Variants in MAGI2 observed in about 807,000 individuals in gnomAD.
MAGI2 encodes membrane-associated guanylate kinase, WW and PDZ domain-containing protein 2.
Under a neutral mutation model 133.3 loss-of-function variants are expected in MAGI2, and 35 were observed. The observed-to-expected ratio is 0.26, with a 90% CI of 0.20 to 0.35. MAGI2 has a LOEUF of 0.35. Ranked by LOEUF, MAGI2 falls within the 10% of genes least tolerant of loss-of-function variation. The pLI is 1.00. For missense variants in MAGI2, 1,636 were observed against 1,863.4 expected, an observed-to-expected ratio of 0.88 and a Z score of 2.25; for synonymous variants, 729 against 710.6, an observed-to-expected ratio of 1.03 and a Z score of -0.41.
At chr7:79,438,353 C>T (rs979876662) in intron 1 of MAGI2, among the ~76,000 whole-genome samples, 3 of 152,104 alleles carry the variant, frequency 2.0e-5, no homozygotes, top group African/African-American at 7.2e-5. Context: ...TTTGTCAACT[C>T]ACCATCTTTA....
intron 1 of MAGI2, among the ~76,000 whole-genome samples, chr7:79,198,566 G>A (rs540709690): frequency 1.2e-4 from 19 of 152,026 alleles, no homozygotes; most frequent in South Asian, 6.2e-4. Flanking sequence ...AGTCATACTC[G>A]CTTTCTTTGC....
At chr7:78,839,297 G>C (rs918930356) in intron 2 of MAGI2, among the ~76,000 whole-genome samples, 1 of 152,096 alleles carries the variant, frequency 6.6e-6, no homozygotes, top group Non-Finnish European at 1.5e-5. Flanking sequence ...CATGGACTTA[G>C]TGAAAACATG....
chr7:78,957,135 T>A (rs534059975), intron 2 of MAGI2, among the ~76,000 whole-genome samples: 1 of 150,704 alleles, frequency 6.6e-6, no homozygotes, highest in East Asian at 1.9e-4. Context: ...GAGGTGGTGG[T>A]CACCTGTAGT....
At chr7:79,369,147 C>G (rs760494416) in intron 1 of MAGI2, among the ~76,000 whole-genome samples, 4 of 152,092 alleles carry the variant, frequency 2.6e-5, no homozygotes, top group Non-Finnish European at 5.9e-5. Flanking sequence ...TCCTACACTT[C>G]AAATAAAGGG....
chr7:78,730,853 G>T (rs1240323752), intron 2 of MAGI2, among the ~76,000 whole-genome samples: 3 of 151,958 alleles, frequency 2.0e-5, no homozygotes, highest in Admixed American at 1.3e-4. Context: ...CTTTCTCTTT[G>T]GCTTTCTCCC....
intron 2 of MAGI2, among the ~76,000 whole-genome samples, chr7:78,737,745 T>A (rs1822007680): frequency 1.3e-5 from 2 of 152,112 alleles, no homozygotes; most frequent in Non-Finnish European, 2.9e-5. Flanking sequence ...AAAATTGTTT[T>A]TTTATGGCTT....
chr7:78,669,286 C>T lies in MAGI2; in HGVS notation c.419-42047G>A, dbSNP rs564417507. ...TACAAACTACCATCAGAGAATACTA[C>T]AAACACCTCTATGCAAATAAACTAG... On this transcript the variant is annotated intron_variant, in intron 2 of 21. Coordinates refer to ENST00000354212, the MANE Select transcript of MAGI2 (RefSeq NM_012301.4). Among the ~76,000 whole-genome samples the T allele has an allele frequency of 3.4e-3, 519 of 151,978 alleles. 3 individuals carry two copies. The highest frequency in any genetic ancestry group is 5.4e-3 in the Non-Finnish European group (370 of 67,940).
At chr7:78,760,280 A>G (rs1055798508) in intron 2 of MAGI2, among the ~76,000 whole-genome samples, 1 of 151,948 alleles carries the variant, frequency 6.6e-6, no homozygotes, top group Non-Finnish European at 1.5e-5. Flanking sequence ...CAGTTCCTGT[A>G]TTAAAATTTC....
chr7:79,362,843 A>G (rs1293814988), intron 1 of MAGI2, among the ~76,000 whole-genome samples: 2 of 152,024 alleles, frequency 1.3e-5, no homozygotes, highest in African/African-American at 2.4e-5. Context: ...ACTAGCATAC[A>G]TACTTAGTGA....
chr7:78,503,654 C>T (rs1039138062), intron 4 of MAGI2, among the ~76,000 whole-genome samples: 3 of 132,480 alleles, frequency 2.3e-5, no homozygotes, highest in African/African-American at 2.8e-5. Flanking sequence ...CTTCTTCCCT[C>T]CTCCTTCATT....
intron 2 of MAGI2, among the ~76,000 whole-genome samples, chr7:78,983,054 A>G (rs1243950821): frequency 1.3e-5 from 2 of 151,984 alleles, no homozygotes; most frequent in Non-Finnish European, 2.9e-5. Context: ...ATATCACAAT[A>G]ATTTTTAGAA....
intron 6 of MAGI2, among the ~76,000 whole-genome samples, chr7:78,407,923 C>T (rs951032946): frequency 7.3e-5 from 11 of 151,706 alleles, no homozygotes; most frequent in Non-Finnish European, 1.3e-4. Context: ...AGACAGACCC[C>T]TCCTCGGAAC....
At chr7:78,702,097 A>G (rs115897262) in intron 2 of MAGI2, among the ~76,000 whole-genome samples, 1 of 152,164 alleles carries the variant, frequency 6.6e-6, no homozygotes, top group African/African-American at 2.4e-5. Flanking sequence ...AATTATGTCT[A>G]GAGTTCTCTA....
chr7:79,066,271 T>C (rs1361779034), intron 1 of MAGI2, among the ~76,000 whole-genome samples: 2 of 151,116 alleles, frequency 1.3e-5, no homozygotes, highest in Non-Finnish European at 2.9e-5. Flanking sequence ...TGTGAGATGA[T>C]ATCTCAGTGT....
chr7:79,078,141 C>T (rs560700438), intron 1 of MAGI2, among the ~76,000 whole-genome samples: 1 of 152,236 alleles, frequency 6.6e-6, no homozygotes, highest in South Asian at 2.1e-4. Flanking sequence ...TTTACTTGCC[C>T]AAATAGACAG....
chr7:78,379,074 A>C (rs1013768289), intron 6 of MAGI2, among the ~76,000 whole-genome samples: 4 of 152,034 alleles, frequency 2.6e-5, no homozygotes, highest in African/African-American at 9.6e-5. Context: ...AGGGACTTAT[A>C]GAAGTTATCA....
intron 1 of MAGI2, among the ~76,000 whole-genome samples, chr7:79,282,226 C>T (rs1363205029): frequency 3.9e-5 from 6 of 152,140 alleles, no homozygotes; most frequent in Admixed American, 3.9e-4. Context: ...ATTGTAAAAT[C>T]TTACAACTCC....
At chr7:78,834,563 C>A (rs551331212) in intron 2 of MAGI2, among the ~76,000 whole-genome samples, 17 of 152,012 alleles carry the variant, frequency 1.1e-4, no homozygotes, top group Non-Finnish European at 2.2e-4. Flanking sequence ...TATAAATATA[C>A]CATATTGTAT....
At chr7:78,180,039 T>C (rs539793122) in intron 13 of MAGI2, among the ~76,000 whole-genome samples, 1 of 152,336 alleles carries the variant, frequency 6.6e-6, no homozygotes, top group Admixed American at 6.5e-5. Context: ...TCAATCACTG[T>C]TCAAACTTCT....
Sources: allele counts gnomAD v4.1 joint callset (sites outside exome capture counted in the v4.1 genomes callset), GRCh38; gene constraint gnomAD v4.1.1; transcripts MANE v1.5; gene names NCBI Gene and HGNC (gene_info 2026-07-23, HGNC 2026-07-21).